SLC35A1: variants seen among roughly 807,000 people sequenced by gnomAD.
SLC35A1 encodes the protein solute carrier family 35 member A1.
Under a neutral mutation model 40.3 loss-of-function variants are expected in SLC35A1, and 21 were observed. The observed-to-expected ratio is 0.52, with a 90% CI of 0.37 to 0.75. SLC35A1 has a LOEUF of 0.75. Among genes scored for constraint, SLC35A1 ranks in the 30% least tolerant of loss-of-function variants. SLC35A1 has a pLI of 0.00. For synonymous variants in SLC35A1, 146 were observed against 147.3 expected (o/e 0.99, Z 0.06); for missense variants, 297 against 382.1 (o/e 0.78, Z 1.86).
At chr6:87,486,537 T>C (rs1769396092) in intron 2 of SLC35A1, among the ~76,000 whole-genome samples, 1 of 152,162 alleles carries the variant, frequency 6.6e-6, no homozygotes, top group African/African-American at 2.4e-5. Context: ...TCTGCCCTCA[T>C]GGACTTATAG....
At chr6:87,506,730 G>C (rs1367503549) in intron 5 of SLC35A1, among the ~76,000 whole-genome samples, 1 of 152,158 alleles carries the variant, frequency 6.6e-6, no homozygotes, top group Non-Finnish European at 1.5e-5. Context: ...AAAGACTTCT[G>C]AAAATGGAGG....
rs1395767440 is a variant in SLC35A1 at position 87,473,031 on chromosome 6, G to A, written c.16+12G>A. The A allele has an allele frequency of 7.9e-6, 5 of 632,060 alleles. No individual in the cohort carries two copies. In the Admixed American group the frequency reaches 1.3e-4, roughly 16 times the overall value. 39.2% of individuals were successfully genotyped at this position (632,060 alleles called of 1,614,324 possible). On this transcript the variant is annotated intron_variant, in intron 1 of 7. Coordinates refer to ENST00000369552, the MANE Select transcript of SLC35A1 (RefSeq NM_006416.5). ...GGCTGCCCCGAGAGGTGAGAACTGG[G>A]TCTGCTGGGAGTGGGGAGTCCGCGG...
In SLC35A1 at chr6:87,511,673, C is replaced by A; in HGVS notation, c.*147C>A. ...TTATGTGGAAACAACAACAAACAAA[C>A]GAAGCTATCTGAGTGAACTGCTAAT... On this transcript the variant is annotated 3_prime_UTR_variant, in exon 8 of 8. Coordinates refer to ENST00000369552, the MANE Select transcript of SLC35A1 (RefSeq NM_006416.5). 1 of 870,032 alleles carries A rather than the reference C, an allele frequency of 1.1e-6. No homozygotes were observed. The highest frequency in any genetic ancestry group is 1.9e-6 in the Non-Finnish European group (1 of 520,484). 53.9% of individuals were successfully genotyped at this position (870,032 alleles called of 1,614,324 possible).
intron 2 of SLC35A1, among the ~76,000 whole-genome samples, chr6:87,499,867 G>A (rs1479358603): frequency 2.6e-5 from 4 of 152,174 alleles, no homozygotes; most frequent in Non-Finnish European, 5.9e-5. Flanking sequence ...TGTAATCCCA[G>A]TACTTTGGGA....
At chr6:87,507,689 T>C (rs1770129988) in intron 5 of SLC35A1, among the ~76,000 whole-genome samples, 2 of 152,152 alleles carry the variant, frequency 1.3e-5, no homozygotes, top group South Asian at 2.1e-4. Context: ...CTAAAATCTT[T>C]AATGGCTTTG....
chr6:87,499,887 G>A (rs370758959), intron 2 of SLC35A1, among the ~76,000 whole-genome samples: 2 of 152,104 alleles, frequency 1.3e-5, no homozygotes, highest in African/African-American at 2.4e-5. Context: ...AGGCCGAGGC[G>A]GGCAGATCAC....
chr6:87,495,018 G>A (rs1236944771), intron 2 of SLC35A1, among the ~76,000 whole-genome samples: 1 of 152,058 alleles, frequency 6.6e-6, no homozygotes, highest in Non-Finnish European at 1.5e-5. Flanking sequence ...CACCCAGGCT[G>A]GAGTGCAGTA....
intron 1 of SLC35A1, 49 bp from the exon 2 acceptor site, chr6:87,477,313 A>G (rs1422245189): frequency 2.1e-6 from 3 of 1,411,878 alleles, no homozygotes; most frequent in Admixed American, 1.7e-5. Flanking sequence ...TAACTTATAT[A>G]TACATATATT....
rs140504235 is a variant in SLC35A1 at position 87,486,536 on chromosome 6, A to G, written c.194+8997A>G. ...ATTAAAAAGGTGTAGTTCTGCCCTC[A>G]TGGACTTATAGTCTGTTGGAGAACC... On this transcript the variant is annotated intron_variant, in intron 2 of 7. Coordinates refer to ENST00000369552, the MANE Select transcript of SLC35A1 (RefSeq NM_006416.5). Among the ~76,000 whole-genome samples, 584 of 152,264 alleles carry G rather than the reference A, an allele frequency of 3.8e-3. 5 individuals are homozygous for G. The highest frequency in any genetic ancestry group is 0.013 in the African/African-American group (545 of 41,542).
intron 2 of SLC35A1, among the ~76,000 whole-genome samples, chr6:87,486,749 C>T (rs571181295): frequency 3.9e-5 from 6 of 152,238 alleles, no homozygotes; most frequent in East Asian, 1.9e-4. Flanking sequence ...CAGAGAACTG[C>T]GTGTTTGAAA....
chr6:87,486,219 A>G (rs891509123), intron 2 of SLC35A1, among the ~76,000 whole-genome samples: 1 of 152,190 alleles, frequency 6.6e-6, no homozygotes, highest in African/African-American at 2.4e-5. Flanking sequence ...TACATATATT[A>G]TACGGGAGTG....
chr6:87,510,317 C>CTT (rs1397577128), intron 7 of SLC35A1, among the ~76,000 whole-genome samples: 1 of 152,096 alleles, frequency 6.6e-6, no homozygotes, highest in African/African-American at 2.4e-5. Context: ...CAACAAAATC[C>CTT]TTATACCATT....
At chr6:87,496,767 T>A in intron 2 of SLC35A1, among the ~76,000 whole-genome samples, 1 of 114,618 alleles carries the variant, frequency 8.7e-6, no homozygotes, top group African/African-American at 3.6e-5. Flanking sequence ...GTGACATGGC[T>A]AGACTCCATC....
At chr6:87,478,708 T>G (rs1417713967) in intron 2 of SLC35A1, among the ~76,000 whole-genome samples, 1 of 152,228 alleles carries the variant, frequency 6.6e-6, no homozygotes, top group Non-Finnish European at 1.5e-5. Context: ...ACTAATCCAC[T>G]TGAAGTAGTT....
Position 87,511,597 on chromosome 6 carries a change from A to C in SLC35A1, c.*71A>C. ...TAAACTAGAGCCTTAAGTCAATCTC[A>C]GAAGGTAGCATAAACAAATAAAAAT... On this transcript the variant is annotated 3_prime_UTR_variant, in exon 8 of 8. Coordinates refer to ENST00000369552, the MANE Select transcript of SLC35A1 (RefSeq NM_006416.5). 7 of 1,505,026 alleles carry C rather than the reference A, an allele frequency of 4.7e-6. No homozygotes were observed. Among genetic ancestry groups the C allele is most frequent in the Non-Finnish European group, 6.5e-6 (7 of 1,081,372 alleles). 93.2% of individuals were successfully genotyped at this position (1,505,026 alleles called of 1,614,324 possible). A position where few individuals can be genotyped will look rare whatever the true frequency, so the allele number is the denominator to read the frequency against.
At chr6:87,503,556 C>CA (rs1769984067) in intron 4 of SLC35A1, among the ~76,000 whole-genome samples, 2 of 151,918 alleles carry the variant, frequency 1.3e-5, no homozygotes, top group Admixed American at 6.6e-5. Context: ...ACTAAAAATA[C>CA]AAAAACTTAG....
chr6:87,482,796 T>G (rs1769282101), intron 2 of SLC35A1, among the ~76,000 whole-genome samples: 1 of 152,176 alleles, frequency 6.6e-6, no homozygotes, highest in Admixed American at 6.5e-5. Flanking sequence ...GCCCCATACT[T>G]TAAGATTTTT....
chr6:87,508,574 ATAT>A lies in SLC35A1; in HGVS notation c.733_735del (p.Tyr245del). The A allele has an allele frequency of 2.5e-6, 4 of 1,612,812 alleles. No individual in the cohort carries two copies. Among genetic ancestry groups the A allele is most frequent in the Non-Finnish European group, 3.4e-6 (4 of 1,179,518 alleles). On this transcript the variant is annotated inframe_deletion, in exon 6 of 8. Transcript: ENST00000369552. Reference sequence around the variant, plus strand: ...AAAAAGGATTTTTCTATGGTTACACATATTATGTCTGGTTTGTCATCTGTAAGT... The same window carrying A: ...AAAAAGGATTTTTCTATGGTTACACATATGTCTGGTTTGTCATCTGTAAGT...
intron 5 of SLC35A1, chr6:87,507,114 G>A (rs1436967109): frequency 6.6e-6 from 1 of 152,206 alleles, no homozygotes; most frequent in African/African-American, 2.4e-5. Flanking sequence ...TTCCAGCAGA[G>A]ATTTAGTTTT....
Sources: allele counts gnomAD v4.1 joint callset (sites outside exome capture counted in the v4.1 genomes callset), GRCh38; gene constraint gnomAD v4.1.1; transcripts MANE v1.5; gene names NCBI Gene and HGNC (gene_info 2026-07-23, HGNC 2026-07-21).